The following KSR2 variants were observed in gnomAD, a reference collection of about 807,000 sequenced individuals.
KSR2 encodes kinase suppressor of ras 2.
A neutral mutation model predicts 107.8 loss-of-function variants in KSR2; 25 were observed. The ratio of observed to expected loss-of-function variants is 0.23; its 90% CI spans 0.17 to 0.32. KSR2 has a LOEUF of 0.32. Ranked by LOEUF, KSR2 falls within the 10% of genes least tolerant of loss-of-function variation. The probability of loss-of-function intolerance (pLI) is 1.00; values close to 1 mark genes in which losing one functional copy is unlikely to be tolerated. For missense variants in KSR2, 887 were observed against 1,268.9 expected (o/e 0.70, Z 4.57); for synonymous variants, 480 against 507.0 (o/e 0.95, Z 0.71).
chr12:117,830,367 G>C (rs2137111355), intron 3 of KSR2, among the ~76,000 whole-genome samples: 1 of 152,106 alleles, frequency 6.6e-6, no homozygotes, highest in East Asian at 1.9e-4. Context: ...GGGAGGGAAG[G>C]GGACAAGCTC....
intron 3 of KSR2, among the ~76,000 whole-genome samples, chr12:117,794,140 A>ACT (rs1394385386): frequency 5.8e-4 from 73 of 126,516 alleles, no homozygotes; most frequent in South Asian, 1.2e-3. Flanking sequence ...CAACATGCAC[A>ACT]CACCCCAACA....
intron 4 of KSR2, among the ~76,000 whole-genome samples, chr12:117,680,262 A>G (rs1250097602): frequency 3.3e-5 from 5 of 152,250 alleles, no homozygotes; most frequent in Non-Finnish European, 7.3e-5. Context: ...AATGATCAGT[A>G]TAAATCCCTT....
chr12:117,718,211 G>A (rs980764469), intron 4 of KSR2, among the ~76,000 whole-genome samples: 23 of 152,212 alleles, frequency 1.5e-4, no homozygotes, highest in African/African-American at 5.3e-4. Flanking sequence ...TAGAGGTGCT[G>A]CTGTAAATCT....
intron 5 of KSR2, among the ~76,000 whole-genome samples, chr12:117,610,787 C>G (rs191680631): frequency 6.7e-6 from 1 of 149,346 alleles, no homozygotes; most frequent in Non-Finnish European, 1.5e-5. Flanking sequence ...AACCCCCACA[C>G]GCAGTATTCC....
intron 10 of KSR2, among the ~76,000 whole-genome samples, chr12:117,536,479 C>G (rs1489594938): frequency 1.3e-5 from 2 of 152,146 alleles, no homozygotes; most frequent in African/African-American, 4.8e-5. Flanking sequence ...TCATATATAT[C>G]GTAGAAGTGC....
chr12:117,488,606 G>A (rs1207551994), intron 14 of KSR2, among the ~76,000 whole-genome samples: 1 of 152,134 alleles, frequency 6.6e-6, no homozygotes, highest in Non-Finnish European at 1.5e-5. Flanking sequence ...GAAGTCAAAA[G>A]TCTGGAAGAC....
At chr12:117,607,416 G>C (rs1267291951) in intron 5 of KSR2, among the ~76,000 whole-genome samples, 2 of 152,180 alleles carry the variant, frequency 1.3e-5, no homozygotes, top group African/African-American at 4.8e-5. Flanking sequence ...CCAGCTGGTA[G>C]GAGGCAAAGC....
intron 4 of KSR2, among the ~76,000 whole-genome samples, chr12:117,703,264 T>C (rs1204761625): frequency 6.6e-6 from 1 of 152,218 alleles, no homozygotes; most frequent in East Asian, 1.9e-4. Context: ...GGAATTGATT[T>C]GTCCACTCAA....
intron 1 of KSR2, among the ~76,000 whole-genome samples, chr12:117,953,854 A>T (rs1896434929): frequency 6.6e-6 from 1 of 152,190 alleles, no homozygotes; most frequent in Non-Finnish European, 1.5e-5. Context: ...CGCTTTGAGG[A>T]CAAGGTGGGA....
intron 3 of KSR2, among the ~76,000 whole-genome samples, chr12:117,779,607 ATC>A (rs1889812281): frequency 2.6e-5 from 4 of 152,152 alleles, no homozygotes; most frequent in Admixed American, 1.3e-4. Context: ...AGGTGATTGG[ATC>A]ATGGAGTCGG....
chr12:117,531,609 C>G, intron 11 of KSR2, 57 bp downstream of exon 11: 8 of 1,504,932 alleles, frequency 5.3e-6, no homozygotes, highest in Non-Finnish European at 7.3e-6. Context: ...CCAGAAACTC[C>G]TGCAATGCAG....
intron 15 of KSR2, among the ~76,000 whole-genome samples, chr12:117,485,144 T>A (rs1872391727): frequency 6.6e-6 from 1 of 152,142 alleles, no homozygotes; most frequent in South Asian, 2.1e-4. Context: ...TGAGTACAAC[T>A]GACTAATAAG....
chr12:117,457,976 C>T lies in KSR2; in HGVS notation c.*9223G>A, dbSNP rs1201977104. 2.0e-5 allele frequency: 3 copies of T among 152,174 alleles called. No homozygotes were observed. Among genetic ancestry groups the T allele is most frequent in the Admixed American group, 6.5e-5 (1 of 15,270 alleles). The allele number at this position is 152,174 out of a possible 1,614,324, so 9.4% of individuals were successfully genotyped here. A position where few individuals can be genotyped will look rare whatever the true frequency, so the allele number is the denominator to read the frequency against. On this transcript the variant is annotated 3_prime_UTR_variant, in exon 20 of 20. Coordinates refer to ENST00000339824, the MANE Select transcript of KSR2 (RefSeq NM_173598.6). ...TCTGGTCCCCCGTGAGTTTTCTTTC[C>T]ATAGATCTACATGAGTTGCAAATTT... is the stretch of plus-strand genomic sequence containing the variant.
Position 117,531,524 on chromosome 12 carries a change from C to T in KSR2, c.1729+142G>A, listed in dbSNP as rs1290415590. On this transcript the variant is annotated intron_variant, in intron 11 of 19. Transcript: ENST00000339824. Reference sequence around the variant, plus strand: ...TTTCTTCTCCACTTCCATGTTCAGCCATTATCCTGGAGTGTGGTGACTCCA... The same window carrying T: ...TTTCTTCTCCACTTCCATGTTCAGCTATTATCCTGGAGTGTGGTGACTCCA... 5.8e-6 allele frequency: 4 copies of T among 687,302 alleles called. No individual in the cohort carries two copies. The East Asian group carries it at 1.2e-4, about 20-fold the overall frequency. 42.6% of individuals were successfully genotyped at this position (687,302 alleles called of 1,614,324 possible). A position where few individuals can be genotyped will look rare whatever the true frequency, so the allele number is the denominator to read the frequency against.
chr12:117,794,240 C>CACACCAACATGCACACAT (rs1291023511), intron 3 of KSR2, among the ~76,000 whole-genome samples: 2 of 74,384 alleles, frequency 2.7e-5, no homozygotes, highest in African/African-American at 7.3e-5. Flanking sequence ...CATGCACACT[C>CACACCAACATGCACACAT]ACACCAACAT....
At chr12:117,859,640 AG>A (rs1305384688) in intron 2 of KSR2, among the ~76,000 whole-genome samples, 1 of 151,364 alleles carries the variant, frequency 6.6e-6, no homozygotes, top group African/African-American at 2.4e-5. Flanking sequence ...TATTTTTTGT[AG>A]AGATGGAGTT....
intron 4 of KSR2, among the ~76,000 whole-genome samples, chr12:117,750,925 G>A (rs921805040): frequency 6.6e-6 from 1 of 152,158 alleles, no homozygotes; most frequent in African/African-American, 2.4e-5. Context: ...GACCTAGATT[G>A]ATTTCATGTC....
intron 14 of KSR2, chr12:117,517,924 AC>A: frequency 6.6e-6 from 3 of 453,398 alleles, no homozygotes; most frequent in South Asian, 4.7e-5. Flanking sequence ...TGGAGTTACC[AC>A]CTTAACAGAA....
chr12:117,963,752 C>A (rs1242243314), intron 1 of KSR2, among the ~76,000 whole-genome samples: 3 of 152,200 alleles, frequency 2.0e-5, no homozygotes, highest in Admixed American at 2.0e-4. Flanking sequence ...GGCCTAAATT[C>A]ATTTCCTATG....
Sources: allele counts gnomAD v4.1 joint callset (sites outside exome capture counted in the v4.1 genomes callset), GRCh38; gene constraint gnomAD v4.1.1; transcripts MANE v1.5; gene names NCBI Gene and HGNC (gene_info 2026-07-23, HGNC 2026-07-21).